Variants in HDAC9 observed in about 807,000 individuals in gnomAD.
HDAC9 encodes histone deacetylase 9, also known as MEF-2 interacting transcription repressor (MITR) protein.
A neutral mutation model predicts 139.4 loss-of-function variants in HDAC9; 41 were observed. The observed-to-expected ratio is 0.29, with a 90% CI of 0.23 to 0.38. HDAC9 has a LOEUF of 0.38. Among genes scored for constraint, HDAC9 ranks in the 10% least tolerant of loss-of-function variants. The probability of loss-of-function intolerance (pLI) is 1.00; values close to 1 mark genes in which losing one functional copy is unlikely to be tolerated. For missense variants in HDAC9, 1,147 were observed against 1,297.0 expected (o/e 0.88, Z 1.78); for synonymous variants, 517 against 476.2 (o/e 1.09, Z -1.12).
intron 16 of HDAC9, among the ~76,000 whole-genome samples, chr7:18,785,987 A>G (rs556451532): frequency 1.3e-4 from 20 of 152,316 alleles, no homozygotes; most frequent in South Asian, 2.1e-4. Flanking sequence ...TATTGTCATT[A>G]TTATTTCTAA....
At chr7:18,598,251 G>A (rs752050802) in intron 6 of HDAC9, among the ~76,000 whole-genome samples, 2 of 152,048 alleles carry the variant, frequency 1.3e-5, no homozygotes, top group African/African-American at 2.4e-5. Context: ...GGCTTATAAC[G>A]ATATTTGCTC....
intron 1 of HDAC9, among the ~76,000 whole-genome samples, chr7:18,396,339 A>C (rs1787056717): frequency 2.6e-5 from 4 of 152,130 alleles, no homozygotes. Flanking sequence ...ATGATTACAG[A>C]AATGAAAAGA....
At chr7:18,351,258 G>T (rs1050960557) in intron 1 of HDAC9, among the ~76,000 whole-genome samples, 2 of 152,006 alleles carry the variant, frequency 1.3e-5, no homozygotes, top group Non-Finnish European at 2.9e-5. Context: ...ATTTATCGTT[G>T]TAAGATAGTT....
intron 1 of HDAC9, among the ~76,000 whole-genome samples, chr7:18,390,436 A>G (rs1002416335): frequency 1.3e-5 from 2 of 151,974 alleles, no homozygotes; most frequent in East Asian, 3.9e-4. Flanking sequence ...TATGTTCTTG[A>G]ATGTTTGGTT....
chr7:18,311,128 T>C (rs1441144523), intron 1 of HDAC9, among the ~76,000 whole-genome samples: 1 of 151,840 alleles, frequency 6.6e-6, no homozygotes, highest in Non-Finnish European at 1.5e-5. Context: ...CAAAAATAGG[T>C]TACTGTTTTT....
intron 17 of HDAC9, among the ~76,000 whole-genome samples, chr7:18,821,466 T>A (rs1245086975): frequency 1.3e-5 from 2 of 152,192 alleles, no homozygotes; most frequent in African/African-American, 4.8e-5. Context: ...CAGAGCCTTG[T>A]GGCTGCAGGA....
At chr7:18,948,496 A>G (rs1782561707) in intron 23 of HDAC9, among the ~76,000 whole-genome samples, 1 of 152,130 alleles carries the variant, frequency 6.6e-6, no homozygotes, top group African/African-American at 2.4e-5. Flanking sequence ...GGTTTTATGT[A>G]ACCAGTTATC....
At chr7:18,902,929 G>C (rs1448298586) in intron 22 of HDAC9, among the ~76,000 whole-genome samples, 3 of 152,138 alleles carry the variant, frequency 2.0e-5, no homozygotes, top group Non-Finnish European at 4.4e-5. Context: ...TATAGTAATA[G>C]TATTTATTTA....
chr7:18,620,146 A>C (rs1485139978), intron 6 of HDAC9, among the ~76,000 whole-genome samples: 1 of 152,144 alleles, frequency 6.6e-6, no homozygotes, highest in East Asian at 1.9e-4. Context: ...TGTAGTTGGC[A>C]CTGTATAGGT....
rs1785605166 is a variant in HDAC9 at position 18,988,793 on chromosome 7, A to C, written c.3171-7230A>C. ...TTAGGATAGTTAGCTCTTCTTGTTGAATTGACCCCTTTACCATTATGTAAT... is the reference window on the plus strand; with the variant it reads ...TTAGGATAGTTAGCTCTTCTTGTTGCATTGACCCCTTTACCATTATGTAAT... On this transcript the variant is annotated intron_variant, in intron 25 of 25. Coordinates refer to ENST00000686413, the MANE Select transcript of HDAC9 (RefSeq NM_178425.4). 5.9e-5 allele frequency among the ~76,000 whole-genome samples: 9 copies of C among 151,792 alleles called. No individual in the cohort carries two copies. The South Asian group carries it at 1.7e-3, about 28-fold the overall frequency.
intron 2 of HDAC9, among the ~76,000 whole-genome samples, chr7:18,520,184 ATTAAT>A (rs1261028126): frequency 6.6e-6 from 1 of 152,148 alleles, no homozygotes; most frequent in Non-Finnish European, 1.5e-5. Flanking sequence ...CAGGAATAAG[ATTAAT>A]TTACGTATCT....
intron 12 of HDAC9, among the ~76,000 whole-genome samples, chr7:18,683,594 C>T (rs959331627): frequency 6.6e-5 from 10 of 152,050 alleles, no homozygotes; most frequent in Non-Finnish European, 8.8e-5. Flanking sequence ...GAACAGCTTC[C>T]GCTGATAATT....
chr7:18,640,357 TAAAAAAAAAAAAAAAA>T (rs56655676), intron 8 of HDAC9, among the ~76,000 whole-genome samples: 2 of 66,082 alleles, frequency 3.0e-5, no homozygotes, highest in Non-Finnish European at 5.7e-5. Context: ...GATCCTGTCT[TAAAAAAAAAAAAAAAA>T]AAAAAAAAAA....
chr7:18,489,966 C>T (rs1796245444), intron 1 of HDAC9, among the ~76,000 whole-genome samples: 1 of 152,018 alleles, frequency 6.6e-6, no homozygotes, highest in East Asian at 1.9e-4. Flanking sequence ...CTCTCATTCG[C>T]AAGCTAGAGG....
At chr7:18,237,424 A>G (rs1035338208) in intron 2 of HDAC9, among the ~76,000 whole-genome samples, 5 of 152,146 alleles carry the variant, frequency 3.3e-5, no homozygotes, top group Non-Finnish European at 7.3e-5. Flanking sequence ...AAAACTTGGC[A>G]TGGTACTGGG....
At position 18,266,245 on chromosome 7, in the gene HDAC9, G is replaced by A. The variant is rs187910495; in HGVS notation, c.25+103896G>A. ...TTGACAAGATATCATGGTGGCCAAC[G>A]CACAATTTCAAAAATTTAAAGTTTT... On this transcript the variant is annotated intron_variant, in intron 2 of 12. Transcript: ENST00000417496. Among the ~76,000 whole-genome samples the A allele has an allele frequency of 3.3e-5, 5 of 152,128 alleles. No homozygotes were observed. The East Asian group carries it at 5.8e-4, about 18-fold the overall frequency.
rs182387797 is a variant in HDAC9 at position 18,133,928 on chromosome 7, G to A, written c.-96-28301G>A. 5.2e-3 allele frequency among the ~76,000 whole-genome samples: 672 copies of A among 128,910 alleles called. 4 individuals are homozygous for A. The highest frequency in any genetic ancestry group is 0.022 in the African/African-American group (609 of 27,648). 84.6% of individuals were successfully genotyped at this position (128,910 alleles called of 152,430 possible). A position where few individuals can be genotyped will look rare whatever the true frequency, so the allele number is the denominator to read the frequency against. On this transcript the variant is annotated intron_variant, in intron 1 of 12. Transcript: ENST00000417496. Reference sequence around the variant, plus strand: ...TATATATCTGTGTGTGAATATACACGCGTGCACACACACACACACACACAC... The same window carrying A: ...TATATATCTGTGTGTGAATATACACACGTGCACACACACACACACACACAC...
At chr7:18,260,955 A>G (rs1206198291) in intron 2 of HDAC9, among the ~76,000 whole-genome samples, 3 of 152,152 alleles carry the variant, frequency 2.0e-5, no homozygotes, top group Non-Finnish European at 4.4e-5. Flanking sequence ...CCGGCCATAG[A>G]ATAGGTGCCT....
intron 11 of HDAC9, among the ~76,000 whole-genome samples, chr7:18,650,090 A>G (rs573828752): frequency 6.6e-6 from 1 of 152,294 alleles, no homozygotes; most frequent in South Asian, 2.1e-4. Flanking sequence ...TAATGGCATA[A>G]TACTCACTGA....
Sources: allele counts gnomAD v4.1 joint callset (sites outside exome capture counted in the v4.1 genomes callset), GRCh38; gene constraint gnomAD v4.1.1; transcripts MANE v1.5; gene names NCBI Gene and HGNC (gene_info 2026-07-23, HGNC 2026-07-21).